Variants in PIEZO1 observed in about 807,000 individuals in gnomAD.
PIEZO1 encodes piezo type mechanosensitive ion channel component 1 (Er blood group).
PIEZO1 carries 296 observed loss-of-function variants against 297.2 expected under a neutral mutation model. That is an observed-to-expected ratio of 1.00 (90% CI 0.91 to 1.10). PIEZO1 has a LOEUF of 1.10. PIEZO1 is among the 50% of genes least tolerant of loss of function. PIEZO1 has a pLI of 0.00. For synonymous variants in PIEZO1, 2,427 were observed against 1,507.5 expected, an observed-to-expected ratio of 1.61 and a Z score of -14.13; for missense variants, 5,018 against 3,455.5, an observed-to-expected ratio of 1.45 and a Z score of -11.34.
rs1185617127 is a variant in PIEZO1 at position 88,732,719 on chromosome 16, C to T, written c.2678G>A (p.Ser893Asn). Residue 893 changes from serine to asparagine, a missense_variant, in exon 20 of 51, where the codon AGC becomes AAC. By Grantham distance (46) the Ser-to-Asn change is conservative. Transcript: ENST00000301015. ...GATCTCCGTGGGCAGCAAGTTGGTG[C>T]TGTTGGGGAAGGGCTGGCAAGAGGC... is the stretch of plus-strand genomic sequence containing the variant. ...SSNCTEPFPN[S>N]TNLLPTEISQ... 3 of 1,547,454 alleles carry T rather than the reference C, an allele frequency of 1.9e-6. No homozygotes were observed. Among genetic ancestry groups the T allele is most frequent in the South Asian group, 2.4e-5 (2 of 83,812 alleles).
At chr16:88,730,623 G>A (rs1026514979) in intron 22 of PIEZO1, among the ~76,000 whole-genome samples, 3 of 146,072 alleles carry the variant, frequency 2.1e-5, no homozygotes, top group Admixed American at 6.9e-5. Flanking sequence ...AAAAAAAAGG[G>A]TTCTTGCTAT....
intron 1 of PIEZO1, among the ~76,000 whole-genome samples, chr16:88,752,175 C>A (rs1906423648): frequency 2.6e-5 from 4 of 152,228 alleles, no homozygotes; most frequent in African/African-American, 9.6e-5. Flanking sequence ...CTGTGCCCTT[C>A]AATGCGGCTA....
chr16:88,721,074 G>A, intron 39 of PIEZO1, 92 bp downstream of exon 39: 1 of 1,293,900 alleles, frequency 7.7e-7, no homozygotes, highest in Non-Finnish European at 1.0e-6. Context: ...CTCGCACTGG[G>A]CTTGGCCGTC....
rs1289591467 is a variant in PIEZO1 at position 88,720,501 on chromosome 16, A to T, written c.5833T>A (p.Phe1945Ile). 6.5e-7 allele frequency: 1 copy of T among 1,550,246 alleles called. No individual in the cohort carries two copies. Among genetic ancestry groups the T allele is most frequent in the South Asian group, 1.2e-5 (1 of 84,064 alleles). ...TTGGTGTGCAGGATGTCGTGGAAGA[A>T]GCGCCGTAGCGGCCGATATGTGCCC... is the stretch of plus-strand genomic sequence containing the variant. ...AQGTYRPLRR[F>I]FHDILHTKYR... The change falls in exon 41 of 51, where the codon TTC (phenylalanine) becomes ATC (isoleucine). Residue 1945 changes from phenylalanine (F) to isoleucine (I), a missense_variant. Physicochemically the swap from Phe to Ile is conservative, Grantham distance 21 (BLOSUM62 0). Coordinates refer to ENST00000301015, the MANE Select transcript of PIEZO1 (RefSeq NM_001142864.4).
In PIEZO1 at chr16:88,720,756, G is replaced by T; in HGVS notation, c.5669-8C>A. The T allele has an allele frequency of 1.4e-6, 2 of 1,478,878 alleles. No homozygotes were observed. Among genetic ancestry groups the T allele is most frequent in the Non-Finnish European group, 1.8e-6 (2 of 1,115,548 alleles). 91.6% of individuals were successfully genotyped at this position (1,478,878 alleles called of 1,614,324 possible). A position where few individuals can be genotyped will look rare whatever the true frequency, so the allele number is the denominator to read the frequency against. ...CCTCCCTGTCCTCAGCTTCTGTAGGGAAAAGCTGACTTCTGCCTGGGCCCC... is the reference window on the plus strand; with the variant it reads ...CCTCCCTGTCCTCAGCTTCTGTAGGTAAAAGCTGACTTCTGCCTGGGCCCC... On this transcript the variant is annotated splice_region_variant and splice_polypyrimidine_tract_variant and intron_variant, in intron 39 of 50. Coordinates refer to ENST00000301015, the MANE Select transcript of PIEZO1 (RefSeq NM_001142864.4).
At chr16:88,749,045 G>C (rs916412366) in intron 2 of PIEZO1, among the ~76,000 whole-genome samples, 4 of 151,400 alleles carry the variant, frequency 2.6e-5, no homozygotes, top group East Asian at 1.9e-4. Flanking sequence ...AGACCATCCT[G>C]GCTATCACGG....
rs1298366571 is a variant in PIEZO1 at position 88,715,522 on chromosome 16, C to T, written c.*83G>A. 2.9e-6 allele frequency: 4 copies of T among 1,373,170 alleles called. No individual in the cohort carries two copies. Among genetic ancestry groups the T allele is most frequent in the Admixed American group, 4.1e-5 (2 of 49,224 alleles). The allele number at this position is 1,373,170 out of a possible 1,614,324, so 85.1% of individuals were successfully genotyped here. On this transcript the variant is annotated 3_prime_UTR_variant, in exon 51 of 51. Transcript: ENST00000301015. ...GGCGGCCTTGGACGGGGCAGTGGCTCCCCCGGCCTGAGGAGTGCCGCCCCT... is the reference window on the plus strand; with the variant it reads ...GGCGGCCTTGGACGGGGCAGTGGCTTCCCCGGCCTGAGGAGTGCCGCCCCT...
intron 1 of PIEZO1, among the ~76,000 whole-genome samples, chr16:88,753,176 TATCC>T (rs1157226497): frequency 1.5e-5 from 1 of 66,422 alleles, no homozygotes; most frequent in East Asian, 4.9e-4. Flanking sequence ...AGAGCACACC[TATCC>T]ATCCCCAGAG....
chr16:88,784,842 C>T, intron 1 of PIEZO1, 59 bp downstream of exon 1: 13 of 1,240,484 alleles, frequency 1.0e-5, no homozygotes, highest in Non-Finnish European at 1.3e-5. Flanking sequence ...GTGTCCAGGC[C>T]GTGGGGAGCC....
chr16:88,765,430 C>A lies in PIEZO1; in HGVS notation c.65-15951G>T, dbSNP rs1265934742. Among the ~76,000 whole-genome samples, 4 of 152,080 alleles carry A rather than the reference C, an allele frequency of 2.6e-5. No individual in the cohort carries two copies. The East Asian group carries it at 5.9e-4, about 22-fold the overall frequency. ...CATGTCTGTGTACTTCTGCAGGAGA[C>A]TGGGGTCTGGTCCTAGCTCAGCCCT... On this transcript the variant is annotated intron_variant, in intron 1 of 50. Coordinates refer to ENST00000301015, the MANE Select transcript of PIEZO1 (RefSeq NM_001142864.4).
Position 88,725,392 on chromosome 16 carries a change from G to A in PIEZO1, c.4162+24C>T, listed in dbSNP as rs767753298. 1.9e-4 allele frequency: 251 copies of A among 1,348,588 alleles called. 1 individual carries two copies. The highest frequency in any genetic ancestry group is 2.3e-4 in the Middle Eastern group (1 of 4,276). 83.5% of individuals were successfully genotyped at this position (1,348,588 alleles called of 1,614,324 possible). A position where few individuals can be genotyped will look rare whatever the true frequency, so the allele number is the denominator to read the frequency against. On this transcript the variant is annotated intron_variant, in intron 29 of 50. Transcript: ENST00000301015. ...AGACATGCTGGACACGGGGCCCTGGGTGCCCGACTCCAGCTGCACTCACCT... is the reference window on the plus strand; with the variant it reads ...AGACATGCTGGACACGGGGCCCTGGATGCCCGACTCCAGCTGCACTCACCT...
At chr16:88,749,542 C>T in intron 1 of PIEZO1, 63 bp from the exon 2 acceptor site, 1 of 1,237,876 alleles carries the variant, frequency 8.1e-7, no homozygotes, top group South Asian at 1.4e-5. Context: ...CCCCAGAGGA[C>T]AGCGCACCCA....
At chr16:88,761,530 G>C (rs192371483) in intron 1 of PIEZO1, among the ~76,000 whole-genome samples, 127 of 152,306 alleles carry the variant, frequency 8.3e-4, no homozygotes, top group African/African-American at 2.9e-3. Context: ...TTGTGCTTGC[G>C]GGGTGGGGGC....
In PIEZO1 at chr16:88,720,693, C is replaced by A. The variant is rs1455039616; in HGVS notation, c.5724G>T (p.Gly1908=). Reference sequence around the variant, plus strand: ...CAGAGCGGCTTGGCCTCTTCTCTCTCCCCGTGGGGGCCTCTTTCTCTTCCT... The same window carrying A: ...CAGAGCGGCTTGGCCTCTTCTCTCTACCCGTGGGGGCCTCTTTCTCTTCCT... The part of the protein sequence containing the change: ...EGEEEKEAPT[G]REKRPSRSGG... Residue 1908 remains glycine (G), a synonymous_variant, in exon 40 of 51, where the codon GGG becomes GGT. Transcript: ENST00000301015. The A allele has an allele frequency of 1.6e-5, 25 of 1,539,792 alleles. No individual in the cohort carries two copies. In the East Asian group the frequency reaches 6.1e-4, roughly 38 times the overall value.
intron 10 of PIEZO1, 166 bp downstream of exon 10, chr16:88,737,393 C>T: frequency 1.7e-6 from 1 of 582,486 alleles, no homozygotes; most frequent in East Asian, 3.0e-5. Flanking sequence ...CCCTGGGGGT[C>T]TCGGGGGTCA....
rs751445994 is a variant in PIEZO1, at chr16:88,722,414, A to C, written c.4776-17T>G. ...CCCAGCCCACTGGGGAGGGAAGCCGAGTCACAGAGAATCCTGCTCTATGGC... is the reference window on the plus strand; with the variant it reads ...CCCAGCCCACTGGGGAGGGAAGCCGCGTCACAGAGAATCCTGCTCTATGGC... On this transcript the variant is annotated splice_polypyrimidine_tract_variant and intron_variant, in intron 35 of 50. Transcript: ENST00000301015. 6.7e-7 allele frequency: 1 copy of C among 1,484,176 alleles called. No homozygotes were observed. The highest frequency in any genetic ancestry group is 2.3e-5 in the Admixed American group (1 of 43,814). The allele number at this position is 1,484,176 out of a possible 1,614,324, so 91.9% of individuals were successfully genotyped here.
intron 1 of PIEZO1, among the ~76,000 whole-genome samples, chr16:88,774,499 G>A (rs1219201547): frequency 6.6e-6 from 1 of 152,220 alleles, no homozygotes; most frequent in Non-Finnish European, 1.5e-5. Context: ...CAGGGTCAAG[G>A]AGACTCACTC....
chr16:88,717,846 C>G (rs11866817), intron 44 of PIEZO1: 9,901 of 436,352 alleles, frequency 0.023, 527 homozygotes, highest in African/African-American at 0.13. Flanking sequence ...AAAAAACAAC[C>G]CAACTGCTGG....
At chr16:88,726,983 G>C in intron 24 of PIEZO1, 25 bp from the exon 25 acceptor site, 1 of 1,549,410 alleles carries the variant, frequency 6.5e-7, no homozygotes, top group South Asian at 1.2e-5. Context: ...CGTCAGGGCG[G>C]GCGCCCCGGC....
Sources: gnomAD v4.1 joint callset for allele counts (sites outside exome capture counted in the v4.1 genomes callset) on GRCh38, gnomAD v4.1.1 for gene constraint, MANE v1.5 for transcripts, NCBI Gene and HGNC (gene_info 2026-07-23, HGNC 2026-07-21) for gene names.